The following CPPED1 variants were observed in gnomAD, a reference collection of about 807,000 sequenced individuals.
CPPED1 encodes the protein calcineurin like phosphoesterase domain containing 1.
CPPED1 carries 28 observed loss-of-function variants against 28.0 expected under a neutral mutation model. The observed-to-expected ratio is 1.00, with a 90% CI of 0.74 to 1.37. The LOEUF (loss-of-function observed/expected upper bound fraction) is 1.37, where lower values mean the gene tolerates loss of function less well. CPPED1 is among the 40% of genes most tolerant of loss of function. The pLI is 0.00. For missense variants in CPPED1, 504 were observed against 416.5 expected (o/e 1.21, Z -1.83); for synonymous variants, 198 against 180.2 (o/e 1.10, Z -0.79).
chr16:12,753,045 T>A (rs143218374), intron 2 of CPPED1: 3 of 152,188 alleles, frequency 2.0e-5, no homozygotes, highest in African/African-American at 7.2e-5. Context: ...AAATTCAACA[T>A]GTCTGAACCT....
chr16:12,768,201 T>A (rs1302986478), intron 2 of CPPED1, among the ~76,000 whole-genome samples: 3 of 152,238 alleles, frequency 2.0e-5, no homozygotes, highest in Non-Finnish European at 4.4e-5. Context: ...TCTTCCTATA[T>A]GAACTTTTAT....
intron 2 of CPPED1, among the ~76,000 whole-genome samples, chr16:12,735,967 G>C (rs2080224701): frequency 6.6e-6 from 1 of 152,104 alleles, no homozygotes; most frequent in African/African-American, 2.4e-5. Context: ...GACCATTATG[G>C]GCCGTCACTT....
intron 2 of CPPED1, among the ~76,000 whole-genome samples, chr16:12,724,901 C>G (rs533987064): frequency 6.6e-6 from 1 of 152,006 alleles, no homozygotes; most frequent in Non-Finnish European, 1.5e-5. Context: ...ATTCTCCTGC[C>G]TCAGCCTCCC....
intron 3 of CPPED1, among the ~76,000 whole-genome samples, chr16:12,678,975 C>A (rs1170721364): frequency 6.6e-6 from 1 of 152,042 alleles, no homozygotes; most frequent in Non-Finnish European, 1.5e-5. Context: ...TTTTCATATT[C>A]CTATTTTTTA....
At position 12,803,878 on chromosome 16, in the gene CPPED1, C is replaced by G; in HGVS notation, c.-102G>C. 1 of 1,057,672 alleles carries G rather than the reference C, an allele frequency of 9.5e-7. No individual in the cohort carries two copies. Among genetic ancestry groups the G allele is most frequent in the Non-Finnish European group, 1.3e-6 (1 of 757,026 alleles). 65.5% of individuals were successfully genotyped at this position (1,057,672 alleles called of 1,614,324 possible). On this transcript the variant is annotated 5_prime_UTR_variant, in exon 1 of 4. Coordinates refer to ENST00000381774, the MANE Select transcript of CPPED1 (RefSeq NM_018340.3). ...GACCTGTCCCGCTTTGGGCGACGCC[C>G]TTTGATCTCGGGGCGGGACTGGGGC...
intron 2 of CPPED1, among the ~76,000 whole-genome samples, chr16:12,758,666 T>G (rs1057136580): frequency 6.6e-6 from 1 of 152,172 alleles, no homozygotes; most frequent in African/African-American, 2.4e-5. Context: ...ATCATGTGCC[T>G]GAGATCAATG....
At chr16:12,695,961 C>A (rs1184918496) in intron 3 of CPPED1, among the ~76,000 whole-genome samples, 1 of 152,182 alleles carries the variant, frequency 6.6e-6, no homozygotes, top group Non-Finnish European at 1.5e-5. Context: ...AATTTTATCA[C>A]TACATTCTGT....
intron 2 of CPPED1, among the ~76,000 whole-genome samples, chr16:12,780,322 T>C (rs1271130943): frequency 2.6e-5 from 4 of 152,012 alleles, no homozygotes; most frequent in Non-Finnish European, 5.9e-5. Flanking sequence ...TGGGACTACA[T>C]GCACCACCAC....
intron 1 of CPPED1, among the ~76,000 whole-genome samples, chr16:12,784,606 T>C (rs1404849387): frequency 6.6e-6 from 1 of 152,166 alleles, no homozygotes; most frequent in Admixed American, 6.5e-5. Flanking sequence ...TTATTAATCA[T>C]TTATTTTACT....
intron 3 of CPPED1, among the ~76,000 whole-genome samples, chr16:12,695,630 G>A (rs1432114383): frequency 1.3e-5 from 2 of 152,236 alleles, no homozygotes; most frequent in Admixed American, 1.3e-4. Context: ...AACTGGATGT[G>A]TAAACAGAAT....
rs552054820 is a variant in CPPED1 at position 12,663,364 on chromosome 16, T to C, written c.*1522A>G. On this transcript the variant is annotated 3_prime_UTR_variant, in exon 4 of 4. Transcript: ENST00000381774. ...GCGTAAGCCACTGTGCCTGGCCCAA[T>C]GTGTGGTTGTTATTAGCTATGCCCT... 6.6e-6 allele frequency: 1 copy of C among 152,380 alleles called. No homozygotes were observed. The highest frequency in any genetic ancestry group is 2.1e-4 in the South Asian group (1 of 4,816). 9.4% of individuals were successfully genotyped at this position (152,380 alleles called of 1,614,324 possible).
At chr16:12,676,479 T>C (rs956590629) in intron 3 of CPPED1, among the ~76,000 whole-genome samples, 2 of 152,192 alleles carry the variant, frequency 1.3e-5, no homozygotes, top group African/African-American at 4.8e-5. Flanking sequence ...ACCAGGAAGA[T>C]ATCATCCCCT....
At chr16:12,729,989 G>A (rs982098929) in intron 2 of CPPED1, among the ~76,000 whole-genome samples, 3 of 152,084 alleles carry the variant, frequency 2.0e-5, no homozygotes, top group African/African-American at 7.2e-5. Context: ...AGCCTCCCAA[G>A]GTTCTGGGAC....
At chr16:12,717,120 G>C (rs762942091) in intron 2 of CPPED1, among the ~76,000 whole-genome samples, 1 of 152,142 alleles carries the variant, frequency 6.6e-6, no homozygotes, top group Admixed American at 6.5e-5. Flanking sequence ...TTAAAAAAAA[G>C]ACCAGGGAGC....
chr16:12,683,661 G>A (rs1050623055), intron 3 of CPPED1, among the ~76,000 whole-genome samples: 4 of 152,126 alleles, frequency 2.6e-5, no homozygotes, highest in East Asian at 1.9e-4. Context: ...CCCTTCCTCC[G>A]CCTGGTCCAT....
chr16:12,728,921 A>G (rs188730404), intron 2 of CPPED1, among the ~76,000 whole-genome samples: 30 of 152,316 alleles, frequency 2.0e-4, no homozygotes, highest in African/African-American at 7.0e-4. Context: ...CGGTGAGCTC[A>G]CTGGGGCGGG....
chr16:12,681,178 C>T (rs1421636302), intron 3 of CPPED1, among the ~76,000 whole-genome samples: 3 of 149,818 alleles, frequency 2.0e-5, no homozygotes, highest in Admixed American at 6.7e-5. Context: ...TGCCCCCCAA[C>T]GTTTAAGTGT....
chr16:12,741,817 G>A (rs578113010), intron 2 of CPPED1, among the ~76,000 whole-genome samples: 3 of 152,274 alleles, frequency 2.0e-5, no homozygotes, highest in South Asian at 2.1e-4. Context: ...TTGGGAGGCC[G>A]AGGCAGGTGG....
intron 2 of CPPED1, among the ~76,000 whole-genome samples, chr16:12,746,661 T>A (rs2080290484): frequency 6.6e-6 from 1 of 152,162 alleles, no homozygotes; most frequent in Non-Finnish European, 1.5e-5. Flanking sequence ...GAAATTGTCT[T>A]TGTAAAAGAA....
Sources: gnomAD v4.1 joint callset for allele counts (sites outside exome capture counted in the v4.1 genomes callset) on GRCh38, gnomAD v4.1.1 for gene constraint, MANE v1.5 for transcripts, NCBI Gene and HGNC (gene_info 2026-07-23, HGNC 2026-07-21) for gene names.